TAMM41: variants seen among roughly 807,000 people sequenced by gnomAD.
TAMM41 encodes the protein phosphatidate cytidylyltransferase, mitochondrial.
In TAMM41, 36 loss-of-function variants were observed where a neutral mutation model predicts 44.1. That is an observed-to-expected ratio of 0.82 (90% CI 0.63 to 1.08). TAMM41 has a LOEUF of 1.08. TAMM41 is among the 50% of genes least tolerant of loss of function. The pLI, the probability that TAMM41 is intolerant of heterozygous loss-of-function variation, is 0.00. For missense variants in TAMM41, 417 were observed against 404.3 expected (o/e 1.03, Z -0.27); for synonymous variants, 164 against 153.1 (o/e 1.07, Z -0.53).
chr3:11,725,232 TCTCC>T, the TAMM41 span, among the ~76,000 whole-genome samples: 24 of 124,590 alleles, frequency 1.9e-4, no homozygotes, highest in South Asian at 3.2e-4. Flanking sequence ...CTCTCCTCCT[TCTCC>T]TTCTCCTCCC....
intron 4 of TAMM41, among the ~76,000 whole-genome samples, chr3:11,825,251 C>A (rs1027665514): frequency 2.2e-4 from 34 of 152,284 alleles, no homozygotes; most frequent in African/African-American, 8.2e-4. Context: ...TGTTACAATA[C>A]CTGACACACA....
intron 7 of TAMM41, among the ~76,000 whole-genome samples, chr3:11,804,181 G>A (rs1010240141): frequency 1.3e-5 from 2 of 152,206 alleles, no homozygotes; most frequent in Admixed American, 1.3e-4. Context: ...GTGATCAACT[G>A]CCCTCTGCTG....
At chr3:11,838,707 T>A (rs2079294985) in intron 3 of TAMM41, among the ~76,000 whole-genome samples, 1 of 152,040 alleles carries the variant, frequency 6.6e-6, no homozygotes. Flanking sequence ...ACCCCCTTTT[T>A]TTTATGGAGG....
At chr3:11,756,351 C>T in the TAMM41 span, among the ~76,000 whole-genome samples, 1 of 152,238 alleles carries the variant, frequency 6.6e-6, no homozygotes, top group Non-Finnish European at 1.5e-5. Context: ...ATGTGCTGGC[C>T]ATGCAGAGGA....
chr3:11,736,280 T>C, the TAMM41 span, among the ~76,000 whole-genome samples: 1 of 152,172 alleles, frequency 6.6e-6, no homozygotes, highest in Non-Finnish European at 1.5e-5. Context: ...AGGAAGCATT[T>C]TTAGCAAGTA....
At chr3:11,752,368 TG>T in the TAMM41 span, among the ~76,000 whole-genome samples, 2 of 152,050 alleles carry the variant, frequency 1.3e-5, no homozygotes, top group Admixed American at 6.6e-5. Context: ...CTGCTGCTGG[TG>T]GGGGGTGGCC....
At chr3:11,733,000 G>GTTTTT in the TAMM41 span, among the ~76,000 whole-genome samples, 1 of 85,550 alleles carries the variant, frequency 1.2e-5, no homozygotes. Flanking sequence ...TTTTTTTTTT[G>GTTTTT]TTTGTTTGTT....
At chr3:11,826,331 C>A (rs577151647) in intron 4 of TAMM41, among the ~76,000 whole-genome samples, 1 of 152,030 alleles carries the variant, frequency 6.6e-6, no homozygotes, top group Non-Finnish European at 1.5e-5. Flanking sequence ...CTCAGGAATT[C>A]GAGACCAGCA....
chr3:11,756,725 C>T, the TAMM41 span, among the ~76,000 whole-genome samples: 4 of 151,914 alleles, frequency 2.6e-5, no homozygotes, highest in African/African-American at 7.3e-5. Flanking sequence ...ATTAGCTGGG[C>T]GTGGTGGCAC....
the TAMM41 span, among the ~76,000 whole-genome samples, chr3:11,733,408 G>T: frequency 6.6e-6 from 1 of 152,138 alleles, no homozygotes; most frequent in African/African-American, 2.4e-5. Context: ...CCTGGCTGAG[G>T]CATAATGCTA....
chr3:11,823,000 G>T (rs1382356971), intron 4 of TAMM41, among the ~76,000 whole-genome samples: 1 of 152,166 alleles, frequency 6.6e-6, no homozygotes, highest in Non-Finnish European at 1.5e-5. Flanking sequence ...AATCAGCAAT[G>T]TATGAGGGTC....
Position 11,829,007 on chromosome 3 carries a change from A to G in TAMM41, c.562+707T>C, listed in dbSNP as rs914936413. ...ATGAAATCTTAAACGGAACCTTACT[A>G]TAGTAAAAAGATAGATGGGGGCTCC... On this transcript the variant is annotated intron_variant, in intron 4 of 7. Transcript: ENST00000455809. Among the ~76,000 whole-genome samples, 5 of 152,200 alleles carry G rather than the reference A, an allele frequency of 3.3e-5. No homozygotes were observed. The East Asian group carries it at 5.8e-4, about 18-fold the overall frequency.
intron 5 of TAMM41, among the ~76,000 whole-genome samples, chr3:11,813,668 G>T (rs2078162188): frequency 6.6e-6 from 1 of 152,016 alleles, no homozygotes; most frequent in Non-Finnish European, 1.5e-5. Context: ...ACAGGCCAGA[G>T]CCAGGAACGG....
chr3:11,750,538 G>A, the TAMM41 span, among the ~76,000 whole-genome samples: 1 of 151,596 alleles, frequency 6.6e-6, no homozygotes, highest in African/African-American at 2.4e-5. Flanking sequence ...TTGAACTCCT[G>A]GGCTCAAGCA....
At chr3:11,740,605 G>A in the TAMM41 span, among the ~76,000 whole-genome samples, 43 of 151,522 alleles carry the variant, frequency 2.8e-4, no homozygotes, top group Middle Eastern at 3.4e-3. Flanking sequence ...TTTTTGAGAC[G>A]GAGTTTTGCT....
chr3:11,840,293 C>T lies in TAMM41; in HGVS notation c.319-979G>A, dbSNP rs187781165. Among the ~76,000 whole-genome samples, 197 of 151,398 alleles carry T rather than the reference C, an allele frequency of 1.3e-3. 1 individual carries two copies. Among genetic ancestry groups the T allele is most frequent in the African/African-American group, 4.4e-3 (182 of 41,268 alleles). On this transcript the variant is annotated intron_variant, in intron 2 of 7. Coordinates refer to ENST00000455809, the MANE Select transcript of TAMM41 (RefSeq NM_001284401.2). ...TGTCACCCAGGCTGGAGTGCACTGG[C>T]GCAATCTCAGCTCACCACAACCTCC...
chr3:11,843,710 C>T (rs548604970), intron 2 of TAMM41: 41 of 223,408 alleles, frequency 1.8e-4, no homozygotes, highest in Non-Finnish European at 3.0e-4. Context: ...GAGCAAAACT[C>T]CGTCTCAAAA....
the TAMM41 span, among the ~76,000 whole-genome samples, chr3:11,755,245 G>A: frequency 3.3e-5 from 5 of 150,800 alleles, no homozygotes; most frequent in Admixed American, 1.3e-4. Flanking sequence ...TGCATCCAAG[G>A]CCACTATCTG....
chr3:11,738,436 G>A, the TAMM41 span, among the ~76,000 whole-genome samples: 1 of 152,116 alleles, frequency 6.6e-6, no homozygotes, highest in Non-Finnish European at 1.5e-5. Context: ...GTCAATACAT[G>A]GTGCTAGTTA....
Sources: gnomAD v4.1 joint callset for allele counts (sites outside exome capture counted in the v4.1 genomes callset) on GRCh38, gnomAD v4.1.1 for gene constraint, MANE v1.5 for transcripts, NCBI Gene and HGNC (gene_info 2026-07-23, HGNC 2026-07-21) for gene names.